EPM2AIP1: variants seen among roughly 807,000 people sequenced by gnomAD.
EPM2AIP1 encodes the protein EPM2A interacting protein 1.
EPM2AIP1 carries 23 observed loss-of-function variants against 44.8 expected under a neutral mutation model. That is an observed-to-expected ratio of 0.51 (90% CI 0.37 to 0.73). The LOEUF is 0.73. Among genes scored for constraint, EPM2AIP1 ranks in the 30% least tolerant of loss-of-function variants. The pLI is 0.00. For synonymous variants in EPM2AIP1, 311 were observed against 284.3 expected (o/e 1.09, Z -0.94); for missense variants, 652 against 743.9 (o/e 0.88, Z 1.44).
chr3:36,986,338 A>C lies in EPM2AIP1; in HGVS notation c.*4916T>G, dbSNP rs997081148. 3 of 152,260 alleles carry C rather than the reference A, an allele frequency of 2.0e-5. No individual in the cohort carries two copies. The highest frequency in any genetic ancestry group is 7.2e-5 in the African/African-American group (3 of 41,474). The allele number at this position is 152,260 out of a possible 1,614,324, so 9.4% of individuals were successfully genotyped here. ...ACTCAGAAAAGACTGGTCAGTTTGC[A>C]GGCAAAAATGAAAAGGAAGAGAATT... On this transcript the variant is annotated 3_prime_UTR_variant, in exon 1 of 1. Transcript: ENST00000322716.
rs762395461 is a variant in EPM2AIP1 at position 36,991,708 on chromosome 3, G to A, written c.1370C>T (p.Pro457Leu). Residue 457 changes from proline (P) to leucine (L), a missense_variant, in exon 1 of 1, where the codon CCT (proline) becomes CTT (leucine). Transcript: ENST00000322716. ...ACAGATCACCATTTGATACCTATCA[G>A]GATCAAATATTTTTTCATCTTCCTT... ...QNKEDEKIFDPDRYQMVICRL... is the reference protein window; with the variant it reads ...QNKEDEKIFDLDRYQMVICRL... 6 of 1,613,288 alleles carry A rather than the reference G, an allele frequency of 3.7e-6. No individual in the cohort carries two copies. Among genetic ancestry groups the A allele is most frequent in the Non-Finnish European group, 5.1e-6 (6 of 1,179,764 alleles).
At position 36,990,837 on chromosome 3, in the gene EPM2AIP1, T is replaced by C. The variant is rs1055168884; in HGVS notation, c.*417A>G. On this transcript the variant is annotated 3_prime_UTR_variant, in exon 1 of 1. Coordinates refer to ENST00000322716, the MANE Select transcript of EPM2AIP1 (RefSeq NM_014805.4). ...AACTTGCTATGTGAGCTTCTGCAAA[T>C]TGGTTCAAAAGCACATTTAAGGAGT... 15 of 986,472 alleles carry C rather than the reference T, an allele frequency of 1.5e-5. No individual in the cohort carries two copies. The Admixed American group carries it at 3.1e-4, about 20-fold the overall frequency. 61.1% of individuals were successfully genotyped at this position (986,472 alleles called of 1,614,324 possible).
rs1411547759 is a variant in EPM2AIP1 at position 36,991,577 on chromosome 3, T to C, written c.1501A>G (p.Ile501Val). Residue 501 changes from isoleucine (I) to valine (V), a missense_variant, in exon 1 of 1, where the codon ATT (isoleucine) becomes GTT (valine). Physicochemically the swap from Ile to Val is conservative, Grantham distance 29 (BLOSUM62 3). Transcript: ENST00000322716. ...PFNFKPEYAPISVRVELTKLQ... is the reference protein window; with the variant it reads ...PFNFKPEYAPVSVRVELTKLQ... ...TTTGTTAGCTCCACCCTCACTGAAATAGGTGCATATTCAGGTTTAAAGTTA... is the reference window on the plus strand; with the variant it reads ...TTTGTTAGCTCCACCCTCACTGAAACAGGTGCATATTCAGGTTTAAAGTTA... 4 of 1,613,678 alleles carry C rather than the reference T, an allele frequency of 2.5e-6. No homozygotes were observed. The highest frequency in any genetic ancestry group is 1.7e-5 in the Admixed American group (1 of 59,980).
At position 36,992,156 on chromosome 3, in the gene EPM2AIP1, T is replaced by C. The variant is rs967801643; in HGVS notation, c.922A>G (p.Ile308Val). Residue 308 changes from isoleucine (I) to valine (V), a missense_variant, in exon 1 of 1, where the codon ATT becomes GTT. Ile to Val is a conservative substitution (Grantham distance 29). Transcript: ENST00000322716. The surrounding 1 kb of genome is among the most constrained non-coding windows in gnomAD (Gnocchi z 5.3). The part of the protein sequence containing the change: ...INTISEWIVL[I>V]KTRGVRRPEF... Reference sequence around the variant, plus strand: ...GGTCGCCTAACGCCTCTGGTCTTAATCAAAACTATCCATTCGGATATGGTA... The same window carrying C: ...GGTCGCCTAACGCCTCTGGTCTTAACCAAAACTATCCATTCGGATATGGTA... The C allele has an allele frequency of 1.9e-6, 3 of 1,613,938 alleles. No homozygotes were observed. The African/African-American group carries it at 4.0e-5, about 22-fold the overall frequency.
At position 36,992,144 on chromosome 3, in the gene EPM2AIP1, C is replaced by T; in HGVS notation, c.934G>A (p.Gly312Ser). The change falls in exon 1 of 1, where the codon GGC becomes AGC. Residue 312 changes from glycine to serine, a missense_variant. Gly to Ser is a moderately conservative substitution (Grantham distance 56, BLOSUM62 0). Transcript: ENST00000322716. This position sits in a 1 kb window ranked among gnomAD's most constrained non-coding sequence, Gnocchi z 5.3. ...SEWIVLIKTRGVRRPEFQTLL... is the reference protein window; with the variant it reads ...SEWIVLIKTRSVRRPEFQTLL... ...GTCTGAAATTCAGGTCGCCTAACGC[C>T]TCTGGTCTTAATCAAAACTATCCAT... The T allele has an allele frequency of 1.9e-6, 3 of 1,614,032 alleles. No homozygotes were observed. Among genetic ancestry groups the T allele is most frequent in the Non-Finnish European group, 2.5e-6 (3 of 1,179,898 alleles).
rs1461398508 is a variant in EPM2AIP1, at chr3:36,990,779, G to A, written c.*475C>T. 23 of 985,768 alleles carry A rather than the reference G, an allele frequency of 2.3e-5. No individual in the cohort carries two copies. Among genetic ancestry groups the A allele is most frequent in the Admixed American group, 1.2e-4 (2 of 16,304 alleles). 61.1% of individuals were successfully genotyped at this position (985,768 alleles called of 1,614,324 possible). A position where few individuals can be genotyped will look rare whatever the true frequency, so the allele number is the denominator to read the frequency against. ...GATGGTTAGACAAAACACCTCCACTGTTATGTATGGGCTTCCTTTTTGGAA... is the reference window on the plus strand; with the variant it reads ...GATGGTTAGACAAAACACCTCCACTATTATGTATGGGCTTCCTTTTTGGAA... On this transcript the variant is annotated 3_prime_UTR_variant, in exon 1 of 1. Transcript: ENST00000322716.
Position 36,985,841 on chromosome 3 carries a change from C to G in EPM2AIP1, c.*5413G>C, listed in dbSNP as rs2080766858. On this transcript the variant is annotated 3_prime_UTR_variant, in exon 1 of 1. Transcript: ENST00000322716. ...TGCCATTGTAGAACCAAAGTAGCCACAGATAATAAATAAATGGACAAGGCT... is the reference window on the plus strand; with the variant it reads ...TGCCATTGTAGAACCAAAGTAGCCAGAGATAATAAATAAATGGACAAGGCT... 1 of 152,176 alleles carries G rather than the reference C, an allele frequency of 6.6e-6. No homozygotes were observed. The highest frequency in any genetic ancestry group is 1.5e-5 in the Non-Finnish European group (1 of 68,032). 9.4% of individuals were successfully genotyped at this position (152,176 alleles called of 1,614,324 possible).
At position 36,993,093 on chromosome 3, in the gene EPM2AIP1, A is replaced by C; in HGVS notation, c.-16T>G. The C allele has an allele frequency of 6.3e-7, 1 of 1,590,578 alleles. No homozygotes were observed. Among genetic ancestry groups the C allele is most frequent in the Non-Finnish European group, 8.6e-7 (1 of 1,166,498 alleles). ...TCATCCACATTCTGCGGGAGGCCAC[A>C]AGAGCAGGGCCAACGTTAGAAAGGC... On this transcript the variant is annotated 5_prime_UTR_variant, in exon 1 of 1. Coordinates refer to ENST00000322716, the MANE Select transcript of EPM2AIP1 (RefSeq NM_014805.4).
Position 36,991,034 on chromosome 3 carries a change from A to T in EPM2AIP1, c.*220T>A. Reference sequence around the variant, plus strand: ...CATAAAAGACAATGACTTTGTCACTAAACTAAGTTTTAAAAAAGGTGGCAT... The same window carrying T: ...CATAAAAGACAATGACTTTGTCACTTAACTAAGTTTTAAAAAAGGTGGCAT... On this transcript the variant is annotated 3_prime_UTR_variant, in exon 1 of 1. Transcript: ENST00000322716. 8.0e-7 allele frequency: 1 copy of T among 1,245,368 alleles called. No homozygotes were observed. Among genetic ancestry groups the T allele is most frequent in the Non-Finnish European group, 1.0e-6 (1 of 993,150 alleles). The allele number at this position is 1,245,368 out of a possible 1,614,324, so 77.1% of individuals were successfully genotyped here.
In EPM2AIP1 at chr3:36,990,375, C is replaced by A; in HGVS notation, c.*879G>T. The A allele has an allele frequency of 4.1e-6, 4 of 980,434 alleles. No homozygotes were observed. Among genetic ancestry groups the A allele is most frequent in the Non-Finnish European group, 4.8e-6 (4 of 825,366 alleles). The allele number at this position is 980,434 out of a possible 1,614,324, so 60.7% of individuals were successfully genotyped here. A position where few individuals can be genotyped will look rare whatever the true frequency, so the allele number is the denominator to read the frequency against. On this transcript the variant is annotated 3_prime_UTR_variant, in exon 1 of 1. Coordinates refer to ENST00000322716, the MANE Select transcript of EPM2AIP1 (RefSeq NM_014805.4). The stretch of plus-strand genomic sequence containing the variant: ...GACAAAAAAGCTAAAATATCTCACA[C>A]CTCCTAATCCTGGAGTGCAATCTTT...
rs982483290 is a variant in EPM2AIP1 at position 36,989,482 on chromosome 3, G to A, written c.*1772C>T. The A allele has an allele frequency of 2.0e-5, 3 of 151,428 alleles. No individual in the cohort carries two copies. Among genetic ancestry groups the A allele is most frequent in the African/African-American group, 4.9e-5 (2 of 41,170 alleles). 9.4% of individuals were successfully genotyped at this position (151,428 alleles called of 1,614,324 possible). A position where few individuals can be genotyped will look rare whatever the true frequency, so the allele number is the denominator to read the frequency against. On this transcript the variant is annotated 3_prime_UTR_variant, in exon 1 of 1. Transcript: ENST00000322716. ...TTAATTCCTGATTTACAAGTGCTAT[G>A]GTGAGCTAACAGAACTTATCAATGC...
Position 36,993,051 on chromosome 3 carries a change from C to A in EPM2AIP1, c.27G>T (p.Lys9Asn). Reference sequence around the variant, plus strand: ...AAACTAGAGCCTCGTCGACTTCCATCTTGCTTCTTTTGGGCGTCATCCACA... The same window carrying A: ...AAACTAGAGCCTCGTCGACTTCCATATTGCTTCTTTTGGGCGTCATCCACA... MWMTPKRS[K>N]MEVDEALVFR... Residue 9 changes from lysine (K) to asparagine (N), a missense_variant, in exon 1 of 1, where the codon AAG (lysine) becomes AAT (asparagine). Physicochemically the swap from Lys to Asn is moderately conservative, Grantham distance 94. Coordinates refer to ENST00000322716, the MANE Select transcript of EPM2AIP1 (RefSeq NM_014805.4). The A allele has an allele frequency of 6.2e-7, 1 of 1,608,660 alleles. No individual in the cohort carries two copies.
chr3:36,991,637 T>C lies in EPM2AIP1; in HGVS notation c.1441A>G (p.Ile481Val). The stretch of plus-strand genomic sequence containing the variant: ...GAAAAAAGTTCTAAGTCCTTTTTAA[T>C]GAACCTGAGGTCCTTAAAATGTCTC... ...FERHFKDLRF[I>V]KKDLELFSNP... is the part of the protein sequence containing the mutation. Residue 481 changes from isoleucine (I) to valine (V), a missense_variant, in exon 1 of 1, where the codon ATT becomes GTT. Transcript: ENST00000322716. 6.2e-7 allele frequency: 1 copy of C among 1,613,496 alleles called. No homozygotes were observed. The highest frequency in any genetic ancestry group is 8.5e-7 in the Non-Finnish European group (1 of 1,179,758).
Position 36,986,416 on chromosome 3 carries a change from A to T in EPM2AIP1, c.*4838T>A, listed in dbSNP as rs962134356. The T allele has an allele frequency of 6.6e-6, 1 of 152,188 alleles. No individual in the cohort carries two copies. Among genetic ancestry groups the T allele is most frequent in the African/African-American group, 2.4e-5 (1 of 41,440 alleles). The allele number at this position is 152,188 out of a possible 1,614,324, so 9.4% of individuals were successfully genotyped here. A position where few individuals can be genotyped will look rare whatever the true frequency, so the allele number is the denominator to read the frequency against. On this transcript the variant is annotated 3_prime_UTR_variant, in exon 1 of 1. Coordinates refer to ENST00000322716, the MANE Select transcript of EPM2AIP1 (RefSeq NM_014805.4). ...GAGGCAACATTTTAATATCAAAAAG[A>T]AAGATAAAAATGGGAAATCCTTTTA...
rs1330090762 is a variant in EPM2AIP1, at chr3:36,987,438, A to ATATAT, written c.*3815_*3816insATATA. The ATATAT allele has an allele frequency of 8.0e-6, 1 of 125,532 alleles. No homozygotes were observed. Among genetic ancestry groups the ATATAT allele is most frequent in the African/African-American group, 2.8e-5 (1 of 35,552 alleles). The allele number at this position is 125,532 out of a possible 1,614,324, so 7.8% of individuals were successfully genotyped here. On this transcript the variant is annotated 3_prime_UTR_variant, in exon 1 of 1. Coordinates refer to ENST00000322716, the MANE Select transcript of EPM2AIP1 (RefSeq NM_014805.4). ...GGTTCCTTTGGAAATTTAAAAAAAAAAAAAAAATATATATATATATATGAC... is the reference window on the plus strand; with the variant it reads ...GGTTCCTTTGGAAATTTAAAAAAAAATATATAAAAAAATATATATATATATATGAC...
chr3:36,985,601 G>C lies in EPM2AIP1; in HGVS notation c.*5653C>G, dbSNP rs1268368734. On this transcript the variant is annotated 3_prime_UTR_variant, in exon 1 of 1. Transcript: ENST00000322716. ...GGCTATGTGATTTGCTTTGGCCAATGAAAGTCCTTTAAGAGTCCTTAAGTG... is the reference window on the plus strand; with the variant it reads ...GGCTATGTGATTTGCTTTGGCCAATCAAAGTCCTTTAAGAGTCCTTAAGTG... The C allele has an allele frequency of 6.6e-6, 1 of 152,204 alleles. No homozygotes were observed. The highest frequency in any genetic ancestry group is 1.9e-4 in the East Asian group (1 of 5,204). 9.4% of individuals were successfully genotyped at this position (152,204 alleles called of 1,614,324 possible). A position where few individuals can be genotyped will look rare whatever the true frequency, so the allele number is the denominator to read the frequency against.
rs890748099 is a variant in EPM2AIP1, at chr3:36,989,373, T to A, written c.*1881A>T. 6.6e-6 allele frequency: 1 copy of A among 152,106 alleles called. No homozygotes were observed. Among genetic ancestry groups the A allele is most frequent in the African/African-American group, 2.4e-5 (1 of 41,420 alleles). The allele number at this position is 152,106 out of a possible 1,614,324, so 9.4% of individuals were successfully genotyped here. ...AACCAAAATCTCAGCTTGACCATTCTTGATAAGTACCTAATCGACATGTAA... is the reference window on the plus strand; with the variant it reads ...AACCAAAATCTCAGCTTGACCATTCATGATAAGTACCTAATCGACATGTAA... On this transcript the variant is annotated 3_prime_UTR_variant, in exon 1 of 1. Transcript: ENST00000322716.
In EPM2AIP1 at chr3:36,991,408, C is replaced by G. The variant is rs1378098050; in HGVS notation, c.1670G>C (p.Cys557Ser). 6.2e-7 allele frequency: 1 copy of G among 1,613,848 alleles called. No individual in the cohort carries two copies. The highest frequency in any genetic ancestry group is 1.3e-5 in the African/African-American group (1 of 74,906). Residue 557 changes from cysteine to serine, a missense_variant, in exon 1 of 1, where the codon TGT becomes TCT. Transcript: ENST00000322716. ...VASLFDSNQI[C>S]EKAFSYLTRN... is the part of the protein sequence containing the mutation. ...AGTCAAATATGAAAAAGCCTTTTCA[C>G]AGATTTGGTTACTATCAAACAAGGA...
chr3:36,990,634 T>C lies in EPM2AIP1; in HGVS notation c.*620A>G, dbSNP rs1278026923. 2.0e-6 allele frequency: 2 copies of C among 985,560 alleles called. No homozygotes were observed. Among genetic ancestry groups the C allele is most frequent in the African/African-American group, 1.7e-5 (1 of 57,228 alleles). 61.1% of individuals were successfully genotyped at this position (985,560 alleles called of 1,614,324 possible). On this transcript the variant is annotated 3_prime_UTR_variant, in exon 1 of 1. Coordinates refer to ENST00000322716, the MANE Select transcript of EPM2AIP1 (RefSeq NM_014805.4). Reference sequence around the variant, plus strand: ...ATCTGAAACTTAAAAATGATTCTAATGACTTCCTCTATCAGTAATGTGTTA... The same window carrying C: ...ATCTGAAACTTAAAAATGATTCTAACGACTTCCTCTATCAGTAATGTGTTA...
Sources: allele counts gnomAD v4.1 joint callset, GRCh38; gene constraint gnomAD v4.1.1; non-coding constraint Gnocchi (gnomAD v3.1); transcripts MANE v1.5; gene names NCBI Gene and HGNC (gene_info 2026-07-23, HGNC 2026-07-21).